SDK1: variants seen among roughly 807,000 people sequenced by gnomAD.
SDK1 encodes the protein protein sidekick-1.
In SDK1, 157 loss-of-function variants were observed where a neutral mutation model predicts 245.5. The ratio of observed to expected loss-of-function variants is 0.64; its 90% CI spans 0.56 to 0.73. The LOEUF is 0.73. Among genes scored for constraint, SDK1 ranks in the 30% least tolerant of loss-of-function variants. The pLI is 0.00. For synonymous variants in SDK1, 1,647 were observed against 1,278.5 expected, an observed-to-expected ratio of 1.29 and a Z score of -6.15; for missense variants, 3,583 against 3,002.3, an observed-to-expected ratio of 1.19 and a Z score of -4.52.
chr7:4,110,699 C>T lies in SDK1; in HGVS notation c.3361C>T (p.Leu1121Phe), dbSNP rs142308174. The T allele has an allele frequency of 6.2e-7, 1 of 1,613,954 alleles. No homozygotes were observed. The highest frequency in any genetic ancestry group is 8.5e-7 in the Non-Finnish European group (1 of 1,179,918). ...AIGDEEEWVTLYEEENEPDAQ... is the reference protein window; with the variant it reads ...AIGDEEEWVTFYEEENEPDAQ... ...CGGCGACGAGGAGGAGTGGGTCACC[C>T]TCTATGAAGAGGAGAATGAGCCTGA... Residue 1121 changes from leucine to phenylalanine, a missense_variant, in exon 23 of 45, where the codon CTC becomes TTC. Transcript: ENST00000404826.
At chr7:3,384,699 A>T (rs60649210) in intron 1 of SDK1, among the ~76,000 whole-genome samples, 2,858 of 152,326 alleles carry the variant, frequency 0.019, 74 homozygotes, top group African/African-American at 0.063. Context: ...CAGCATTCAA[A>T]TGCAGCAGGC....
At chr7:3,369,504 C>T (rs931527317) in intron 1 of SDK1, among the ~76,000 whole-genome samples, 14 of 152,184 alleles carry the variant, frequency 9.2e-5, no homozygotes, top group Non-Finnish European at 1.5e-4. Context: ...CCAACTCTTA[C>T]ATACAGAGTG....
rs560102453 is a variant in SDK1 at position 4,155,140 on chromosome 7, G to T, written c.4626-3308G>T. The stretch of plus-strand genomic sequence containing the variant: ...GCCCTCTGCCTGCCTCATTTGGGCA[G>T]TGGGGCTGCTGCTCCCATCGGCTGC... On this transcript the variant is annotated intron_variant, in intron 30 of 44. Transcript: ENST00000404826. Among the ~76,000 whole-genome samples the T allele has an allele frequency of 1.6e-4, 25 of 152,154 alleles. No individual in the cohort carries two copies. In the South Asian group the frequency reaches 4.8e-3, roughly 29 times the overall value.
intron 4 of SDK1, among the ~76,000 whole-genome samples, chr7:3,785,290 A>G (rs1300689503): frequency 1.3e-5 from 2 of 152,136 alleles, no homozygotes; most frequent in Non-Finnish European, 2.9e-5. Flanking sequence ...CATGGTGAAT[A>G]TAGTTAATAA....
At chr7:3,714,668 A>T (rs1785149509) in intron 4 of SDK1, among the ~76,000 whole-genome samples, 1 of 152,224 alleles carries the variant, frequency 6.6e-6, no homozygotes, top group South Asian at 2.1e-4. Flanking sequence ...CAGGTACAGA[A>T]CTGCTGTGTA....
chr7:3,704,015 G>A (rs1441561994), intron 4 of SDK1, among the ~76,000 whole-genome samples: 1 of 152,090 alleles, frequency 6.6e-6, no homozygotes, highest in Non-Finnish European at 1.5e-5. Flanking sequence ...CCTGAGTATT[G>A]TACATTGCAC....
At chr7:3,951,985 G>C in intron 7 of SDK1, 65 bp downstream of exon 7, 1 of 1,443,718 alleles carries the variant, frequency 6.9e-7, no homozygotes, top group Non-Finnish European at 9.5e-7. Context: ...TGACTCTTCT[G>C]CAGAAACAAA....
In SDK1 at chr7:4,077,041, T is replaced by A. The variant is rs1297037808; in HGVS notation, c.3054T>A (p.Arg1018=). The A allele has an allele frequency of 3.7e-6, 6 of 1,614,116 alleles. No homozygotes were observed. In the South Asian group the frequency reaches 6.6e-5, roughly 18 times the overall value. Residue 1018 remains arginine (R), a synonymous_variant, in exon 21 of 45, where the codon CGT becomes CGA. Coordinates refer to ENST00000404826, the MANE Select transcript of SDK1 (RefSeq NM_152744.4). ...AAGTGTACGGCAGGAACGACTCTCG[T>A]CTCACGCACACCCTGAACAGCACGA... ...SWEVYGRNDS[R]LTHTLNSTTH...
intron 4 of SDK1, among the ~76,000 whole-genome samples, chr7:3,700,959 A>G (rs956598963): frequency 1.3e-5 from 2 of 152,192 alleles, no homozygotes; most frequent in East Asian, 3.9e-4. Flanking sequence ...GAGTAAAGAA[A>G]AAAAATGTGG....
intron 1 of SDK1, among the ~76,000 whole-genome samples, chr7:3,535,364 A>G (rs74408864): frequency 6.6e-6 from 1 of 152,214 alleles, no homozygotes; most frequent in African/African-American, 2.4e-5. Flanking sequence ...ATACTATTCT[A>G]ATTACATGCA....
intron 4 of SDK1, among the ~76,000 whole-genome samples, chr7:3,677,438 G>A (rs1379866693): frequency 1.3e-5 from 2 of 152,154 alleles, no homozygotes; most frequent in East Asian, 1.9e-4. Flanking sequence ...GGTGAATGAG[G>A]AGCAAAGTCA....
intron 1 of SDK1, among the ~76,000 whole-genome samples, chr7:3,602,959 C>G (rs1781296493): frequency 1.3e-5 from 2 of 152,090 alleles, no homozygotes; most frequent in Admixed American, 6.6e-5. Flanking sequence ...GCTTGTTTTT[C>G]TCAGGTTTGT....
At chr7:3,309,212 G>T (rs1206601755) in intron 1 of SDK1, among the ~76,000 whole-genome samples, 7 of 152,036 alleles carry the variant, frequency 4.6e-5, no homozygotes, top group Non-Finnish European at 1.0e-4. Flanking sequence ...TTCTCTCTAG[G>T]TGTTAGGCGC....
intron 25 of SDK1, among the ~76,000 whole-genome samples, chr7:4,123,699 AT>A (rs1307906054): frequency 6.6e-6 from 1 of 152,234 alleles, no homozygotes; most frequent in Non-Finnish European, 1.5e-5. Flanking sequence ...ATTTGGGAAG[AT>A]TGGACTGGCT....
At chr7:3,429,656 G>C (rs1166297072) in intron 1 of SDK1, among the ~76,000 whole-genome samples, 7 of 151,232 alleles carry the variant, frequency 4.6e-5, no homozygotes, top group Non-Finnish European at 1.0e-4. Flanking sequence ...TAGTGCAGTG[G>C]CACAATCTCA....
intron 1 of SDK1, among the ~76,000 whole-genome samples, chr7:3,579,395 C>A (rs1294048206): frequency 1.3e-5 from 2 of 152,190 alleles, no homozygotes; most frequent in Non-Finnish European, 2.9e-5. Flanking sequence ...AAATGTGATT[C>A]ATTACATAAA....
At chr7:4,095,475 A>G (rs1016564852) in intron 22 of SDK1, among the ~76,000 whole-genome samples, 1 of 152,262 alleles carries the variant, frequency 6.6e-6, no homozygotes, top group African/African-American at 2.4e-5. Context: ...GGAACCAAGC[A>G]TCTCCTGACT....
intron 1 of SDK1, among the ~76,000 whole-genome samples, chr7:3,535,504 C>T (rs182927822): frequency 6.6e-6 from 1 of 152,120 alleles, no homozygotes; most frequent in South Asian, 2.1e-4. Flanking sequence ...CAGCCAGGCT[C>T]AGTCATACTA....
chr7:3,883,090 G>C (rs941042450), intron 5 of SDK1, among the ~76,000 whole-genome samples: 1 of 152,168 alleles, frequency 6.6e-6, no homozygotes, highest in African/African-American at 2.4e-5. Context: ...GTTTTCTACT[G>C]GTTTCTACAG....
Sources: gnomAD v4.1 joint callset for allele counts (sites outside exome capture counted in the v4.1 genomes callset) on GRCh38, gnomAD v4.1.1 for gene constraint, MANE v1.5 for transcripts, NCBI Gene and HGNC (gene_info 2026-07-23, HGNC 2026-07-21) for gene names.